The following LRFN2 variants were observed in gnomAD, a reference collection of about 807,000 sequenced individuals.
LRFN2 encodes the protein leucine-rich repeat and fibronectin type-III domain-containing protein 2.
A neutral mutation model predicts 37.3 loss-of-function variants in LRFN2; 18 were observed. The observed-to-expected ratio is 0.48, with a 90% confidence interval of 0.33 to 0.72. The LOEUF (loss-of-function observed/expected upper bound fraction) is 0.72. LRFN2 is among the 30% of genes least tolerant of loss of function. LRFN2 has a pLI of 0.02. For missense variants in LRFN2, 1,006 were observed against 1,060.7 expected (o/e 0.95, Z 0.72); for synonymous variants, 556 against 466.6 (o/e 1.19, Z -2.47).
At chr6:40,542,296 A>G (rs1448683496) in intron 1 of LRFN2, among the ~76,000 whole-genome samples, 1 of 151,930 alleles carries the variant, frequency 6.6e-6, no homozygotes, top group Non-Finnish European at 1.5e-5. Flanking sequence ...GAGTTTTCCA[A>G]TTAGGAAACC....
At chr6:40,429,312 G>A (rs1030676806) in intron 2 of LRFN2, among the ~76,000 whole-genome samples, 1 of 152,190 alleles carries the variant, frequency 6.6e-6, no homozygotes, top group African/African-American at 2.4e-5. Context: ...GCGCCATTTT[G>A]GCAATGCTAG....
At chr6:40,509,530 T>G (rs1046540354) in intron 1 of LRFN2, among the ~76,000 whole-genome samples, 1 of 151,638 alleles carries the variant, frequency 6.6e-6, no homozygotes, top group African/African-American at 2.4e-5. Flanking sequence ...TGCATGCATG[T>G]GGGTATTCTA....
intron 2 of LRFN2, among the ~76,000 whole-genome samples, chr6:40,410,730 C>T (rs1303560832): frequency 2.0e-5 from 3 of 152,142 alleles, no homozygotes; most frequent in Non-Finnish European, 1.5e-5. Flanking sequence ...GCAGCAGGAC[C>T]CCTCCTGGTG....
intron 2 of LRFN2, among the ~76,000 whole-genome samples, chr6:40,414,055 G>A (rs1763038841): frequency 6.6e-6 from 1 of 152,220 alleles, no homozygotes; most frequent in South Asian, 2.1e-4. Context: ...CATGTCCTGG[G>A]AGGAAGAGGA....
chr6:40,441,251 G>A (rs918928609), intron 1 of LRFN2, among the ~76,000 whole-genome samples: 1 of 152,186 alleles, frequency 6.6e-6, no homozygotes, highest in Admixed American at 6.5e-5. Flanking sequence ...GAGTGTCTGC[G>A]CATGAATGGA....
chr6:40,587,286 A>C lies in LRFN2; in HGVS notation c.-364T>G, dbSNP rs1480982446. 2.0e-5 allele frequency: 3 copies of C among 152,202 alleles called. No homozygotes were observed. Among genetic ancestry groups the C allele is most frequent in the Non-Finnish European group, 4.4e-5 (3 of 68,030 alleles). The allele number at this position is 152,202 out of a possible 1,614,324, so 9.4% of individuals were successfully genotyped here. ...TCGAAGAACCCCAGGCATTCCCAGG[A>C]ACCTCGGGCATCTTGGAATGTGGGG... On this transcript the variant is annotated 5_prime_UTR_variant, in exon 1 of 3. Transcript: ENST00000338305. The surrounding 1 kb of genome is among the most constrained non-coding windows in gnomAD (Gnocchi z 4.2).
intron 2 of LRFN2, among the ~76,000 whole-genome samples, chr6:40,409,233 C>G (rs1038607441): frequency 9.9e-5 from 15 of 152,204 alleles, no homozygotes; most frequent in Admixed American, 6.5e-4. Context: ...AACCATCTCC[C>G]TCTGTCAGAT....
At chr6:40,567,668 T>C (rs1296427312) in intron 1 of LRFN2, among the ~76,000 whole-genome samples, 2 of 152,214 alleles carry the variant, frequency 1.3e-5, no homozygotes, top group African/African-American at 2.4e-5. Context: ...AGAACTTACA[T>C]TGAGCATTGA....
intron 1 of LRFN2, among the ~76,000 whole-genome samples, chr6:40,554,819 C>T (rs1210814400): frequency 6.6e-6 from 1 of 152,192 alleles, no homozygotes; most frequent in Non-Finnish European, 1.5e-5. Flanking sequence ...TACCTTTTAT[C>T]TCTGCACTCA....
At chr6:40,574,070 T>C (rs1361966110) in intron 1 of LRFN2, among the ~76,000 whole-genome samples, 1 of 152,124 alleles carries the variant, frequency 6.6e-6, no homozygotes, top group Non-Finnish European at 1.5e-5. Flanking sequence ...TTGGAGCAAA[T>C]CTCATTGATA....
At chr6:40,570,632 G>A (rs532466995) in intron 1 of LRFN2, among the ~76,000 whole-genome samples, 27 of 152,314 alleles carry the variant, frequency 1.8e-4, no homozygotes, top group Admixed American at 4.6e-4. Flanking sequence ...ACATGGGGCC[G>A]GGGGAAGCTG....
chr6:40,481,918 A>G (rs1018129978), intron 1 of LRFN2, among the ~76,000 whole-genome samples: 27 of 152,322 alleles, frequency 1.8e-4, no homozygotes, highest in African/African-American at 6.0e-4. Context: ...ATGCTGTTCT[A>G]AGTGCTTTAC....
intron 1 of LRFN2, among the ~76,000 whole-genome samples, chr6:40,462,473 C>A (rs964324816): frequency 2.6e-5 from 4 of 152,094 alleles, no homozygotes; most frequent in African/African-American, 9.7e-5. Context: ...TTCCCTAAGT[C>A]CTCTCTGTCT....
At chr6:40,449,932 T>G (rs1581715010) in intron 1 of LRFN2, among the ~76,000 whole-genome samples, 1 of 152,276 alleles carries the variant, frequency 6.6e-6, no homozygotes, top group East Asian at 1.9e-4. Flanking sequence ...TTGGTTTTAT[T>G]TTTTATCACT....
chr6:40,417,216 G>A (rs946317373), intron 2 of LRFN2, among the ~76,000 whole-genome samples: 2 of 152,214 alleles, frequency 1.3e-5, no homozygotes, highest in Admixed American at 6.5e-5. Flanking sequence ...TGGCTCACAC[G>A]CGGTGGCATT....
chr6:40,552,871 G>A (rs1766802656), intron 1 of LRFN2, among the ~76,000 whole-genome samples: 2 of 151,972 alleles, frequency 1.3e-5, no homozygotes, highest in Admixed American at 6.6e-5. Flanking sequence ...GAATTTTCTT[G>A]ACTAGAATAA....
At chr6:40,504,641 T>C (rs996490242) in intron 1 of LRFN2, among the ~76,000 whole-genome samples, 4 of 152,102 alleles carry the variant, frequency 2.6e-5, no homozygotes, top group African/African-American at 9.7e-5. Context: ...CAGAAATGTA[T>C]ATGGAAAGAC....
chr6:40,494,796 T>A (rs907620009), intron 1 of LRFN2, among the ~76,000 whole-genome samples: 7 of 152,198 alleles, frequency 4.6e-5, no homozygotes, highest in African/African-American at 1.7e-4. Flanking sequence ...TGCCAAATAT[T>A]CTTCCACCTG....
Position 40,566,943 on chromosome 6 carries a change from G to A in LRFN2, c.-19+19998C>T, listed in dbSNP as rs145565677. Among the ~76,000 whole-genome samples, 7 of 152,244 alleles carry A rather than the reference G, an allele frequency of 4.6e-5. No individual in the cohort carries two copies. In the East Asian group the frequency reaches 1.4e-3, roughly 29 times the overall value. On this transcript the variant is annotated intron_variant, in intron 1 of 2. Coordinates refer to ENST00000338305, the MANE Select transcript of LRFN2 (RefSeq NM_020737.3). ...TATTCAAGCCAAAACTTGGTATGAT[G>A]ATCTTCAAGAGCAAGCTTAAAGAGA...
Sources: gnomAD v4.1 joint callset for allele counts (sites outside exome capture counted in the v4.1 genomes callset) on GRCh38, gnomAD v4.1.1 for gene constraint, Gnocchi (gnomAD v3.1) non-coding constraint, MANE v1.5 for transcripts, NCBI Gene and HGNC (gene_info 2026-07-23, HGNC 2026-07-21) for gene names.